The following ABCC2 variants were observed in gnomAD, a reference collection of about 807,000 sequenced individuals.
ABCC2 encodes ATP binding cassette subfamily C member 2.
A neutral mutation model predicts 173.4 loss-of-function variants in ABCC2; 157 were observed. The observed-to-expected ratio is 0.91, with a 90% CI of 0.80 to 1.03. ABCC2 has a LOEUF of 1.03. Among genes scored for constraint, ABCC2 ranks in the 50% least tolerant of loss-of-function variants. The pLI is 0.00. For missense variants in ABCC2, 1,822 were observed against 1,852.3 expected, an observed-to-expected ratio of 0.98 and a Z score of 0.30; for synonymous variants, 657 against 693.5, an observed-to-expected ratio of 0.95 and a Z score of 0.83.
rs1407960691 is a variant in ABCC2, at chr10:99,851,525, A to G, written c.4532A>G (p.Lys1511Arg). Residue 1511 changes from lysine to arginine, a missense_variant, in exon 32 of 32, where the codon AAG becomes AGG. Transcript: ENST00000647814. ...AGGGTAATGGTCCTAGACAACGGGA[A>G]GATTATAGAGTGCGGCAGCCCTGAA... ...SDKVMVLDNG[K>R]IIECGSPEEL... 4 of 1,614,156 alleles carry G rather than the reference A, an allele frequency of 2.5e-6. No individual in the cohort carries two copies. In the South Asian group the frequency reaches 3.3e-5, roughly 13 times the overall value.
chr10:99,818,930 G>A lies in ABCC2; in HGVS notation c.2412G>A (p.Leu804=). ...HVGKHIFNKV[L]GPNGLLKGKT... ...GAAAACATATTTTTAATAAGGTCTT[G>A]GGCCCCAATGGCCTGTTGAAAGGCA... The change falls in exon 18 of 32, where the codon TTG becomes TTA. Residue 804 remains leucine (L), a synonymous_variant. Coordinates refer to ENST00000647814, the MANE Select transcript of ABCC2 (RefSeq NM_000392.5). The A allele has an allele frequency of 6.2e-7, 1 of 1,614,134 alleles. No homozygotes were observed.
At chr10:99,832,277 G>A in intron 23 of ABCC2, 146 bp downstream of exon 23, 1 of 1,030,576 alleles carries the variant, frequency 9.7e-7, no homozygotes, top group African/African-American at 1.6e-5. Context: ...AGTACCTGCT[G>A]TGAGCTCCCA....
chr10:99,814,253 G>T (rs1164115733), intron 16 of ABCC2, among the ~76,000 whole-genome samples: 1 of 44,244 alleles, frequency 2.3e-5, no homozygotes, highest in East Asian at 1.0e-3. Flanking sequence ...ACACACGTAT[G>T]TATACACACG....
intron 6 of ABCC2, chr10:99,794,703 C>T: frequency 2.1e-6 from 1 of 473,290 alleles, no homozygotes; most frequent in Non-Finnish European, 3.8e-6. Flanking sequence ...AGCTACCATG[C>T]CCAGCTAATT....
Position 99,850,691 on chromosome 10 carries a change from A to T in ABCC2, c.4403A>T (p.Asp1468Val), listed in dbSNP as rs943354331. The T allele has an allele frequency of 1.2e-6, 2 of 1,614,088 alleles. No homozygotes were observed. Among genetic ancestry groups the T allele is most frequent in the African/African-American group, 2.7e-5 (2 of 74,932 alleles). ...LVLDEATAAVDLETDNLIQTT... is the reference protein window; with the variant it reads ...LVLDEATAAVVLETDNLIQTT... ...CTGGATGAGGCCACTGCTGCGGTGG[A>T]TCTAGAGACAGACAACCTCATTCAG... Residue 1468 changes from aspartate (D) to valine (V), a missense_variant, in exon 31 of 32, where the codon GAT becomes GTT. Coordinates refer to ENST00000647814, the MANE Select transcript of ABCC2 (RefSeq NM_000392.5).
chr10:99,786,190 G>A (rs1388692103), intron 2 of ABCC2, among the ~76,000 whole-genome samples: 1 of 152,114 alleles, frequency 6.6e-6, no homozygotes, highest in Admixed American at 6.5e-5. Flanking sequence ...GACCTCAGTG[G>A]TACATACCTG....
chr10:99,802,957 C>CTTTTA (rs1318744621), intron 9 of ABCC2, among the ~76,000 whole-genome samples: 3 of 152,108 alleles, frequency 2.0e-5, no homozygotes, highest in South Asian at 2.1e-4. Flanking sequence ...ACACGAAAGT[C>CTTTTA]TTTTATTTTA....
chr10:99,843,842 T>C lies in ABCC2; in HGVS notation c.3785T>C (p.Ile1262Thr), dbSNP rs2038979034. ...LNWLVRMTSEIETNIVAVERI... is the reference protein window; with the variant it reads ...LNWLVRMTSETETNIVAVERI... The stretch of plus-strand genomic sequence containing the variant: ...TGGCTGGTGAGGATGACATCAGAAA[T>C]AGAGACCAACATTGTGGCTGTTGAG... The change falls in exon 27 of 32, where the codon ATA becomes ACA. Residue 1262 changes from isoleucine to threonine, a missense_variant. Ile to Thr is a moderately conservative substitution (Grantham distance 89). Coordinates refer to ENST00000647814, the MANE Select transcript of ABCC2 (RefSeq NM_000392.5). 4 of 1,613,976 alleles carry C rather than the reference T, an allele frequency of 2.5e-6. No individual in the cohort carries two copies. Among genetic ancestry groups the C allele is most frequent in the Non-Finnish European group, 1.7e-6 (2 of 1,180,034 alleles).
At chr10:99,796,956 G>A (rs1590146809) in intron 6 of ABCC2, 141 bp from the exon 7 acceptor site, 2 of 765,160 alleles carry the variant, frequency 2.6e-6, no homozygotes, top group East Asian at 5.4e-5. Flanking sequence ...CCTCTGTCAA[G>A]TTCAAAGGGC....
intron 26 of ABCC2, among the ~76,000 whole-genome samples, chr10:99,842,874 A>T (rs2038967283): frequency 6.6e-6 from 1 of 151,964 alleles, no homozygotes; most frequent in Non-Finnish European, 1.5e-5. Context: ...ACATGGTGAA[A>T]CCCCATCTCT....
At chr10:99,844,778 G>A (rs879410115) in intron 28 of ABCC2, among the ~76,000 whole-genome samples, 24 of 152,136 alleles carry the variant, frequency 1.6e-4, no homozygotes, top group African/African-American at 4.8e-4. Context: ...ACAAGGGGGC[G>A]GCCAGGCCTG....
At position 99,799,289 on chromosome 10, in the gene ABCC2, C is replaced by G. The variant is rs939311117; in HGVS notation, c.950C>G (p.Thr317Ser). 6.2e-7 allele frequency: 1 copy of G among 1,614,036 alleles called. No homozygotes were observed. Among genetic ancestry groups the G allele is most frequent in the African/African-American group, 1.3e-5 (1 of 74,928 alleles). Residue 317 changes from threonine to serine, a missense_variant, in exon 8 of 32, where the codon ACT becomes AGT. Transcript: ENST00000647814. Reference sequence around the variant, plus strand: ...TGGTTGATGAAGGCTCTGTTCAAAACTTTCTACATGGTGCTCCTGAAATCA... The same window carrying G: ...TGGTTGATGAAGGCTCTGTTCAAAAGTTTCTACATGGTGCTCCTGAAATCA... The part of the protein sequence containing the change: ...KSWLMKALFK[T>S]FYMVLLKSFL...
chr10:99,843,853 A>T lies in ABCC2; in HGVS notation c.3796A>T (p.Ile1266Phe), dbSNP rs148292402. 1 of 1,614,222 alleles carries T rather than the reference A, an allele frequency of 6.2e-7. No individual in the cohort carries two copies. The highest frequency in any genetic ancestry group is 1.3e-5 in the African/African-American group (1 of 75,060). The change falls in exon 27 of 32, where the codon ATT becomes TTT. Residue 1266 changes from isoleucine (I) to phenylalanine (F), a missense_variant. Coordinates refer to ENST00000647814, the MANE Select transcript of ABCC2 (RefSeq NM_000392.5). ...GATGACATCAGAAATAGAGACCAAC[A>T]TTGTGGCTGTTGAGCGAATAACTGA... ...VRMTSEIETNIVAVERITEYT... is the reference protein window; with the variant it reads ...VRMTSEIETNFVAVERITEYT...
chr10:99,850,328 C>G (rs1376262334), intron 30 of ABCC2, among the ~76,000 whole-genome samples: 1 of 152,170 alleles, frequency 6.6e-6, no homozygotes, highest in East Asian at 1.9e-4. Flanking sequence ...AAAAAGGCAC[C>G]TTCCTAGGCT....
At chr10:99,783,148 TA>T in intron 1 of ABCC2, among the ~76,000 whole-genome samples, 1 of 152,312 alleles carries the variant, frequency 6.6e-6, no homozygotes, top group Middle Eastern at 3.4e-3. Flanking sequence ...GAGAAACAGG[TA>T]AAAACCTTCC....
chr10:99,850,537 C>T lies in ABCC2; in HGVS notation c.4314-65C>T, dbSNP rs965568569. 7.9e-6 allele frequency: 12 copies of T among 1,511,466 alleles called. No individual in the cohort carries two copies. In the Admixed American group the frequency reaches 2.2e-4, roughly 28 times the overall value. 93.6% of individuals were successfully genotyped at this position (1,511,466 alleles called of 1,614,324 possible). A position where few individuals can be genotyped will look rare whatever the true frequency, so the allele number is the denominator to read the frequency against. The stretch of plus-strand genomic sequence containing the variant: ...GTCTGATCTGGAACATGAAAATGGT[C>T]CCCCTGCCCTGCGTCTTTCCTTGGT... On this transcript the variant is annotated intron_variant, in intron 30 of 31. Coordinates refer to ENST00000647814, the MANE Select transcript of ABCC2 (RefSeq NM_000392.5).
rs76594618 is a variant in ABCC2 at position 99,808,029 on chromosome 10, A to T, written c.1669-54A>T. On this transcript the variant is annotated intron_variant, in intron 12 of 31. Transcript: ENST00000647814. ...ATATGGTGTTCCTGAAACTTAGCAC[A>T]ATGCTGCTTGGTCCCTTTTAGGAAT... The T allele has an allele frequency of 2.1e-3, 3,302 of 1,600,132 alleles. 51 individuals are homozygous for T. In the African/African-American group the frequency reaches 0.035, roughly 17 times the overall value.
rs768031038 is a variant in ABCC2 at position 99,819,243 on chromosome 10, A to T, written c.2594A>T (p.His865Leu). 3.1e-6 allele frequency: 5 copies of T among 1,614,018 alleles called. No homozygotes were observed. The highest frequency in any genetic ancestry group is 3.4e-6 in the Non-Finnish European group (4 of 1,180,032). The part of the protein sequence containing the change: ...FAKNLKTFLR[H>L]TGPEEEATVH... ...AAGAATCTGAAGACATTTCTAAGACATACAGGCCCTGAAGAGGAAGCCACA... is the reference window on the plus strand; with the variant it reads ...AAGAATCTGAAGACATTTCTAAGACTTACAGGCCCTGAAGAGGAAGCCACA... The change falls in exon 19 of 32, where the codon CAT (histidine) becomes CTT (leucine). Residue 865 changes from histidine to leucine, a missense_variant. Transcript: ENST00000647814.
At chr10:99,846,176 C>T (rs546732557) in intron 29 of ABCC2, among the ~76,000 whole-genome samples, 3 of 152,358 alleles carry the variant, frequency 2.0e-5, no homozygotes, top group South Asian at 2.1e-4. Context: ...GAATTTGCTG[C>T]AGGTTTCTGC....
Sources: allele counts gnomAD v4.1 joint callset (sites outside exome capture counted in the v4.1 genomes callset), GRCh38; gene constraint gnomAD v4.1.1; transcripts MANE v1.5; gene names NCBI Gene and HGNC (gene_info 2026-07-23, HGNC 2026-07-21).